The following YIF1A variants were observed in gnomAD, a reference collection of about 807,000 sequenced individuals.
YIF1A encodes Yip1 interacting factor homolog A, membrane trafficking protein.
Under a neutral mutation model 32.6 loss-of-function variants are expected in YIF1A, and 28 were observed. That is an observed-to-expected ratio of 0.86 (90% CI 0.64 to 1.18). YIF1A has a LOEUF of 1.18. YIF1A is among the 50% of genes most tolerant of loss of function. The pLI, the probability that YIF1A is intolerant of heterozygous loss-of-function variation, is 0.00. For missense variants in YIF1A, 373 were observed against 390.8 expected, an observed-to-expected ratio of 0.95 and a Z score of 0.38; for synonymous variants, 175 against 162.2, an observed-to-expected ratio of 1.08 and a Z score of -0.60.
In YIF1A at chr11:66,287,620, G is replaced by A. The variant is rs146393210; in HGVS notation, c.405C>T (p.Asn135=). The A allele has an allele frequency of 3.7e-4, 603 of 1,613,602 alleles. 3 individuals carry two copies. The African/African-American group carries it at 5.8e-3, about 15-fold the overall frequency. ...DAPLPPRQDL[N]APDLYIPTMA... is the part of the protein sequence containing the mutation. ...CACTGGGGATATAGAGGTCAGGGGC[G>A]TTGAGGTCTTGCCGGGGGGGCAGAG... Residue 135 remains asparagine, a synonymous_variant, in exon 4 of 8, where the codon AAC becomes AAT. Transcript: ENST00000376901.
In YIF1A at chr11:66,289,087, C is replaced by G. The variant is rs1857414046; in HGVS notation, c.-102G>C. 1.4e-6 allele frequency: 2 copies of G among 1,424,778 alleles called. No individual in the cohort carries two copies. Among genetic ancestry groups the G allele is most frequent in the Non-Finnish European group, 1.8e-6 (2 of 1,087,148 alleles). The allele number at this position is 1,424,778 out of a possible 1,614,324, so 88.3% of individuals were successfully genotyped here. On this transcript the variant is annotated 5_prime_UTR_variant, in exon 1 of 8. Coordinates refer to ENST00000376901, the MANE Select transcript of YIF1A (RefSeq NM_020470.3). The stretch of plus-strand genomic sequence containing the variant: ...CGCCCAGGGTACCGACCGAGGCCAC[C>G]CGGCCGCGCGACACGTCCCCCACCC...
At position 66,284,619 on chromosome 11, in the gene YIF1A, C is replaced by T. The variant is rs1857320066; in HGVS notation, c.*18G>A. On this transcript the variant is annotated 3_prime_UTR_variant, in exon 8 of 8. Transcript: ENST00000376901. ...TCTTCAATGAATGAAAAACTCAGTG[C>T]CATCTGGGGCCAGGGGGTCACCGGA... The T allele has an allele frequency of 6.2e-7, 1 of 1,611,246 alleles. No individual in the cohort carries two copies. Among genetic ancestry groups the T allele is most frequent in the Admixed American group, 1.7e-5 (1 of 59,692 alleles).
intron 1 of YIF1A, 55 bp from the exon 2 acceptor site, chr11:66,288,347 A>G: frequency 6.2e-6 from 10 of 1,604,692 alleles, no homozygotes; most frequent in Non-Finnish European, 8.5e-6. Context: ...ATGAGCCCAA[A>G]CCACCGCCCC....
Position 66,288,080 on chromosome 11 carries a change from C to T in YIF1A, c.243+1G>A. The T allele has an allele frequency of 6.2e-7, 1 of 1,613,150 alleles. No homozygotes were observed. The highest frequency in any genetic ancestry group is 8.5e-7 in the Non-Finnish European group (1 of 1,179,866). On this transcript the variant is annotated splice_donor_variant, in intron 2 of 7. Transcript: ENST00000376901. LOFTEE classifies it high-confidence loss of function. ...ACCCGTGCCCCGGGGGCAGGCCACA[C>T]CTCCTTGTGCACCATGTCCTTCCCA... is the stretch of plus-strand genomic sequence containing the variant.
chr11:66,286,640 A>G (rs1454351934), intron 4 of YIF1A, among the ~76,000 whole-genome samples: 6 of 152,174 alleles, frequency 3.9e-5, no homozygotes, highest in Admixed American at 2.0e-4. Flanking sequence ...AGAAGAAGAA[A>G]AAAAAAGCAC....
At chr11:66,285,135 C>T in intron 6 of YIF1A, 169 bp from the exon 7 acceptor site, 1 of 878,956 alleles carries the variant, frequency 1.1e-6, no homozygotes, top group Non-Finnish European at 1.7e-6. Context: ...AGGCCCAGGA[C>T]TCAGCCCCAG....
At chr11:66,288,508 A>C (rs1002223555) in intron 1 of YIF1A, among the ~76,000 whole-genome samples, 2 of 152,258 alleles carry the variant, frequency 1.3e-5, no homozygotes, top group Admixed American at 1.3e-4. Context: ...GAAAGAGCTG[A>C]GGCAGCGCCT....
At position 66,284,872 on chromosome 11, in the gene YIF1A, C is replaced by A. The variant is rs149720718; in HGVS notation, c.735+1G>T. The A allele has an allele frequency of 1.9e-6, 3 of 1,613,182 alleles. No homozygotes were observed. Among genetic ancestry groups the A allele is most frequent in the African/African-American group, 1.3e-5 (1 of 75,028 alleles). ...GGAATGGGGGGGTGCACCAGACTCA[C>A]AATGAAGTACATGAGCGCCGATGAG... On this transcript the variant is annotated splice_donor_variant, in intron 7 of 7. Transcript: ENST00000376901. LOFTEE classifies it high-confidence loss of function.
chr11:66,286,779 A>G (rs1326013040), intron 4 of YIF1A, among the ~76,000 whole-genome samples: 1 of 152,220 alleles, frequency 6.6e-6, no homozygotes, highest in Non-Finnish European at 1.5e-5. Context: ...TAAAATGGGG[A>G]TGCCAGTTCC....
At position 66,289,103 on chromosome 11, in the gene YIF1A, TC is replaced by T; in HGVS notation, c.-119del. 2 of 1,356,998 alleles carry T rather than the reference TC, an allele frequency of 1.5e-6. No homozygotes were observed. The highest frequency in any genetic ancestry group is 1.9e-6 in the Non-Finnish European group (2 of 1,041,216). The allele number at this position is 1,356,998 out of a possible 1,614,324, so 84.1% of individuals were successfully genotyped here. On this transcript the variant is annotated 5_prime_UTR_variant, in exon 1 of 8. The change abolishes the stop of an existing upstream ORF in the 5' untranslated region. Coordinates refer to ENST00000376901, the MANE Select transcript of YIF1A (RefSeq NM_020470.3). ...CGAGGCCACCCGGCCGCGCGACACG[TC>T]CCCCACCCCGCCGGTCTCGGCCACC...
At chr11:66,285,584 G>A (rs1398620556) in intron 5 of YIF1A, 48 bp from the exon 6 acceptor site, 1 of 1,611,868 alleles carries the variant, frequency 6.2e-7, no homozygotes, top group Admixed American at 1.7e-5. Flanking sequence ...TGAGGCAGGG[G>A]TGAGGAAGAG....
chr11:66,285,856 C>G, intron 4 of YIF1A, 98 bp from the exon 5 acceptor site: 1 of 1,362,826 alleles, frequency 7.3e-7, no homozygotes. Context: ...ACTTCCTTCT[C>G]TGAATAGCCC....
intron 4 of YIF1A, among the ~76,000 whole-genome samples, chr11:66,285,996 C>T (rs1255291430): frequency 6.6e-6 from 1 of 152,264 alleles, no homozygotes; most frequent in African/African-American, 2.4e-5. Flanking sequence ...TTTCCTGTCC[C>T]TGTGCTGGGA....
At chr11:66,288,856 G>C in intron 1 of YIF1A, 99 bp downstream of exon 1, 1 of 1,332,386 alleles carries the variant, frequency 7.5e-7, no homozygotes, top group African/African-American at 1.6e-5. Context: ...CCCCCGCCCT[G>C]GGCGGCGGTC....
Position 66,285,413 on chromosome 11 carries a change from G to T in YIF1A, c.609C>A (p.His203Gln). The change falls in exon 6 of 8, where the codon CAC (histidine) becomes CAA (glutamine). Residue 203 changes from histidine to glutamine, a missense_variant. Physicochemically the swap from His to Gln is conservative, Grantham distance 24 (BLOSUM62 0). Coordinates refer to ENST00000376901, the MANE Select transcript of YIF1A (RefSeq NM_020470.3). ...ATVRSDLSTF[H>Q]LLAYSGYKYV... ...ATTTGTAGCCACTGTAGGCCAGCAG[G>T]TGAAAGGTGCTCAGGTCACTGCGCA... The T allele has an allele frequency of 6.2e-7, 1 of 1,613,444 alleles. No homozygotes were observed. The highest frequency in any genetic ancestry group is 8.5e-7 in the Non-Finnish European group (1 of 1,180,000).
Position 66,289,065 on chromosome 11 carries a change from C to A in YIF1A, c.-80G>T. ...TACTAATGAGGCAGCTGCTCCGCGC[C>A]CAGGGTACCGACCGAGGCCACCCGG... On this transcript the variant is annotated 5_prime_UTR_variant, in exon 1 of 8. Transcript: ENST00000376901. 5 of 1,495,264 alleles carry A rather than the reference C, an allele frequency of 3.3e-6. No individual in the cohort carries two copies. Among genetic ancestry groups the A allele is most frequent in the Non-Finnish European group, 3.5e-6 (4 of 1,128,238 alleles). 92.6% of individuals were successfully genotyped at this position (1,495,264 alleles called of 1,614,324 possible).
intron 5 of YIF1A, 44 bp from the exon 6 acceptor site, chr11:66,285,580 A>C (rs748928771): frequency 3.7e-6 from 6 of 1,611,938 alleles, no homozygotes; most frequent in South Asian, 2.2e-5. Flanking sequence ...ATCCTGAGGC[A>C]GGGGTGAGGA....
chr11:66,288,418 G>A (rs953101975), intron 1 of YIF1A, 126 bp from the exon 2 acceptor site: 4 of 1,082,370 alleles, frequency 3.7e-6, no homozygotes, highest in Non-Finnish European at 5.4e-6. Context: ...GGGACCCCAA[G>A]CTGGGTGAGG....
intron 6 of YIF1A, 84 bp from the exon 7 acceptor site, chr11:66,285,050 C>A: frequency 7.3e-7 from 1 of 1,368,788 alleles, no homozygotes; most frequent in Non-Finnish European, 1.0e-6. Flanking sequence ...CAGAGCCCAG[C>A]TAGACCCCAC....
Sources: allele counts gnomAD v4.1 joint callset (sites outside exome capture counted in the v4.1 genomes callset), GRCh38; gene constraint gnomAD v4.1.1; transcripts MANE v1.5; gene names NCBI Gene and HGNC (gene_info 2026-07-23, HGNC 2026-07-21).